The following KCNIP4 variants were observed in gnomAD, a reference collection of about 807,000 sequenced individuals.
KCNIP4 encodes the protein potassium voltage-gated channel interacting protein 4.
KCNIP4 carries 12 observed loss-of-function variants against 34.0 expected under a neutral mutation model. That is an observed-to-expected ratio of 0.35 (90% CI 0.23 to 0.57). KCNIP4 has a LOEUF of 0.57. Ranked by LOEUF, KCNIP4 falls within the 20% of genes least tolerant of loss-of-function variation. The pLI is 0.83. For synonymous variants in KCNIP4, 124 were observed against 102.2 expected (o/e 1.21, Z -1.29); for missense variants, 238 against 311.7 (o/e 0.76, Z 1.78).
intron 1 of KCNIP4, among the ~76,000 whole-genome samples, chr4:20,944,122 A>G (rs562084226): frequency 6.6e-6 from 1 of 152,324 alleles, no homozygotes; most frequent in African/African-American, 2.4e-5. Flanking sequence ...AAATAAGACC[A>G]GCCCCTAGCT....
chr4:21,728,698 C>T (rs1715376869), intron 1 of KCNIP4, among the ~76,000 whole-genome samples: 1 of 152,128 alleles, frequency 6.6e-6, no homozygotes, highest in Non-Finnish European at 1.5e-5. Context: ...CACTCTGGAT[C>T]ACACAGATAT....
chr4:21,720,297 A>T (rs1336388578), intron 1 of KCNIP4, among the ~76,000 whole-genome samples: 3 of 152,112 alleles, frequency 2.0e-5, no homozygotes, highest in Non-Finnish European at 4.4e-5. Context: ...CATGTAAAAT[A>T]TAAATTGAAA....
chr4:21,694,943 A>AAAAAAAAAAAAAAC (rs1560637409), intron 1 of KCNIP4, among the ~76,000 whole-genome samples: 1 of 45,336 alleles, frequency 2.2e-5, no homozygotes, highest in African/African-American at 5.5e-5. Flanking sequence ...AAAATAAATA[A>AAAAAAAAAAAAAAC]ATAAATAAAG....
At chr4:21,727,559 T>C (rs1715287340) in intron 1 of KCNIP4, among the ~76,000 whole-genome samples, 1 of 152,262 alleles carries the variant, frequency 6.6e-6, no homozygotes, top group East Asian at 1.9e-4. Flanking sequence ...CCGGGTGTGG[T>C]GGCTCATGTC....
chr4:20,776,257 G>A (rs759102432), intron 3 of KCNIP4, among the ~76,000 whole-genome samples: 4 of 152,112 alleles, frequency 2.6e-5, no homozygotes, highest in Admixed American at 6.5e-5. Flanking sequence ...TTTTTGCCCC[G>A]TAAGGAAGGA....
intron 5 of KCNIP4, among the ~76,000 whole-genome samples, 196 bp from the exon 6 acceptor site, chr4:20,734,931 C>G (rs1208153564): frequency 9.9e-5 from 15 of 152,012 alleles, no homozygotes; most frequent in Non-Finnish European, 2.2e-4. Flanking sequence ...TTTTCATATT[C>G]TAATTGGAAA....
At chr4:20,866,887 G>T (rs1192922857) in intron 2 of KCNIP4, among the ~76,000 whole-genome samples, 1 of 151,924 alleles carries the variant, frequency 6.6e-6, no homozygotes, top group Non-Finnish European at 1.5e-5. Context: ...AAGTGAAATC[G>T]AGAACACAGT....
chr4:21,916,399 C>G (rs1728633251), intron 1 of KCNIP4, among the ~76,000 whole-genome samples: 1 of 152,164 alleles, frequency 6.6e-6, no homozygotes, highest in Non-Finnish European at 1.5e-5. Flanking sequence ...GTCCTGATGT[C>G]ATAAGCAATC....
chr4:21,807,907 C>A (rs144250253), intron 1 of KCNIP4, among the ~76,000 whole-genome samples: 1 of 151,940 alleles, frequency 6.6e-6, no homozygotes. Context: ...TAAAACTTTA[C>A]GTAAAATTTA....
chr4:20,863,491 A>G (rs1241768573), intron 2 of KCNIP4, among the ~76,000 whole-genome samples: 2 of 152,184 alleles, frequency 1.3e-5, no homozygotes, highest in Non-Finnish European at 2.9e-5. Flanking sequence ...CCTGACCCCT[A>G]AACTATAATT....
chr4:21,275,873 C>T (rs969355281), intron 1 of KCNIP4, among the ~76,000 whole-genome samples: 10 of 152,166 alleles, frequency 6.6e-5, no homozygotes, highest in African/African-American at 1.7e-4. Flanking sequence ...AATCTTTTGG[C>T]TTCCCTGGAC....
chr4:21,535,613 T>C (rs899954696), intron 1 of KCNIP4, among the ~76,000 whole-genome samples: 1 of 152,200 alleles, frequency 6.6e-6, no homozygotes, highest in Admixed American at 6.5e-5. Flanking sequence ...TCAACTATTT[T>C]TCTGAAACAT....
At chr4:21,245,036 G>A (rs144519129) in intron 1 of KCNIP4, among the ~76,000 whole-genome samples, 124 of 152,264 alleles carry the variant, frequency 8.1e-4, no homozygotes, top group African/African-American at 2.8e-3. Context: ...TATCGTATAC[G>A]AGTAACAACC....
At chr4:21,076,562 A>T (rs1186395288) in intron 1 of KCNIP4, among the ~76,000 whole-genome samples, 1 of 152,162 alleles carries the variant, frequency 6.6e-6, no homozygotes, top group Non-Finnish European at 1.5e-5. Flanking sequence ...CTCAATAAAA[A>T]TTGTTAATTG....
chr4:21,846,632 T>C (rs1724032489), intron 1 of KCNIP4: 1 of 152,162 alleles, frequency 6.6e-6, no homozygotes, highest in Non-Finnish European at 1.5e-5. Flanking sequence ...TGTATTTGAC[T>C]GATTTACAGT....
intron 1 of KCNIP4, among the ~76,000 whole-genome samples, chr4:21,314,502 A>G (rs977525687): frequency 6.6e-5 from 10 of 152,168 alleles, no homozygotes; most frequent in African/African-American, 2.2e-4. Flanking sequence ...ACAGGTTTCC[A>G]CTGTAACTGC....
intron 1 of KCNIP4, among the ~76,000 whole-genome samples, chr4:21,438,615 G>T (rs1483563816): frequency 6.6e-6 from 1 of 151,970 alleles, no homozygotes; most frequent in Non-Finnish European, 1.5e-5. Context: ...AATCTAGATG[G>T]TTATATGAAA....
intron 1 of KCNIP4, among the ~76,000 whole-genome samples, chr4:21,185,420 C>T (rs1161644704): frequency 6.6e-6 from 1 of 151,766 alleles, no homozygotes; most frequent in Non-Finnish European, 1.5e-5. Context: ...TCTTCTTCCT[C>T]TCTGTCCTCT....
chr4:21,033,972 C>A (rs1468579767), intron 1 of KCNIP4, among the ~76,000 whole-genome samples: 1 of 152,058 alleles, frequency 6.6e-6, no homozygotes, highest in Non-Finnish European at 1.5e-5. Flanking sequence ...AAATATTTTT[C>A]TGCGTGTATT....
Sources: allele counts gnomAD v4.1 joint callset (sites outside exome capture counted in the v4.1 genomes callset), GRCh38; gene constraint gnomAD v4.1.1; transcripts MANE v1.5; gene names NCBI Gene and HGNC (gene_info 2026-07-23, HGNC 2026-07-21).